Variants in GABRG2 observed in about 807,000 individuals in gnomAD.
GABRG2 encodes gamma-aminobutyric acid receptor subunit gamma-2.
A neutral mutation model predicts 56.4 loss-of-function variants in GABRG2; 16 were observed. That is an observed-to-expected ratio of 0.28 (90% CI 0.19 to 0.43). The LOEUF is 0.43. Among genes scored for constraint, GABRG2 ranks in the 20% least tolerant of loss-of-function variants. The pLI, the probability that GABRG2 is intolerant of heterozygous loss-of-function variation, is 1.00. For synonymous variants in GABRG2, 208 were observed against 205.5 expected (o/e 1.01, Z -0.10); for missense variants, 327 against 582.7 (o/e 0.56, Z 4.52).
intron 1 of GABRG2, among the ~76,000 whole-genome samples, chr5:162,076,633 C>G (rs1759133137): frequency 6.6e-6 from 1 of 152,018 alleles, no homozygotes; most frequent in Non-Finnish European, 1.5e-5. Context: ...AAACATTATC[C>G]CTGAGTTGCT....
chr5:162,127,823 G>A (rs555025214), intron 6 of GABRG2, among the ~76,000 whole-genome samples: 6 of 152,100 alleles, frequency 3.9e-5, no homozygotes, highest in Non-Finnish European at 7.4e-5. Context: ...GGAAACTGAC[G>A]ATCGAAGGAT....
At chr5:162,145,406 T>C (rs1335475688) in intron 7 of GABRG2, among the ~76,000 whole-genome samples, 1 of 152,110 alleles carries the variant, frequency 6.6e-6, no homozygotes, top group African/African-American at 2.4e-5. Context: ...GAGGAACTGG[T>C]AAAAGCTATG....
At chr5:162,076,013 A>G (rs1274258813) in intron 1 of GABRG2, among the ~76,000 whole-genome samples, 1 of 151,822 alleles carries the variant, frequency 6.6e-6, no homozygotes, top group Non-Finnish European at 1.5e-5. Flanking sequence ...TTAACTGGGT[A>G]TGGTAGTGCA....
At position 162,075,372 on chromosome 5, in the gene GABRG2, C is replaced by G. The variant is rs144247809; in HGVS notation, c.107+7266C>G. 4.6e-5 allele frequency among the ~76,000 whole-genome samples: 7 copies of G among 152,222 alleles called. No homozygotes were observed. In the East Asian group the frequency reaches 1.4e-3, roughly 29 times the overall value. On this transcript the variant is annotated intron_variant, in intron 1 of 9. Coordinates refer to ENST00000639213, the MANE Select transcript of GABRG2 (RefSeq NM_198904.4). ...CTCAATAAAGCCTGCACCTACCACT[C>G]AGTGTAATATTGCAAACTCCACTCC...
chr5:162,111,633 A>G (rs1050879322), intron 6 of GABRG2, among the ~76,000 whole-genome samples: 18 of 152,114 alleles, frequency 1.2e-4, no homozygotes, highest in Admixed American at 2.0e-4. Flanking sequence ...AATATACACA[A>G]TGGTATTTTA....
chr5:162,113,864 C>A (rs1762427269), intron 6 of GABRG2, among the ~76,000 whole-genome samples: 1 of 152,030 alleles, frequency 6.6e-6, no homozygotes, highest in Admixed American at 6.6e-5. Context: ...TTCTTGTTAC[C>A]AGTATTAGTG....
At position 162,119,189 on chromosome 5, in the gene GABRG2, C is replaced by T. The variant is rs553960593; in HGVS notation, c.769+15163C>T. Reference sequence around the variant, plus strand: ...TCCTTTCATATTAAAACATTCAGTGCGTTCTCTTGTCTATATGTAGGGATG... The same window carrying T: ...TCCTTTCATATTAAAACATTCAGTGTGTTCTCTTGTCTATATGTAGGGATG... On this transcript the variant is annotated intron_variant, in intron 6 of 9. Coordinates refer to ENST00000639213, the MANE Select transcript of GABRG2 (RefSeq NM_198904.4). Among the ~76,000 whole-genome samples the T allele has an allele frequency of 3.7e-4, 57 of 152,166 alleles. No individual in the cohort carries two copies. In the South Asian group the frequency reaches 0.011, roughly 28 times the overall value.
chr5:162,120,768 A>C (rs563774111), intron 6 of GABRG2, among the ~76,000 whole-genome samples: 70 of 152,264 alleles, frequency 4.6e-4, no homozygotes, highest in African/African-American at 1.6e-3. Flanking sequence ...TGGCTCTGCA[A>C]TTGCAAAGCA....
At chr5:162,131,811 G>A (rs1290543106) in intron 6 of GABRG2, among the ~76,000 whole-genome samples, 1 of 151,892 alleles carries the variant, frequency 6.6e-6, no homozygotes, top group African/African-American at 2.4e-5. Flanking sequence ...CTGTTAACTT[G>A]TTAGAATTAT....
At chr5:162,092,903 C>T (rs1238528711) in intron 1 of GABRG2, among the ~76,000 whole-genome samples, 5 of 152,020 alleles carry the variant, frequency 3.3e-5, no homozygotes, top group Non-Finnish European at 4.4e-5. Flanking sequence ...AGCTTTTGCA[C>T]GGGTGTGTGT....
chr5:162,081,543 C>T lies in GABRG2; in HGVS notation c.108-12285C>T, dbSNP rs552405050. On this transcript the variant is annotated intron_variant, in intron 1 of 9. Coordinates refer to ENST00000639213, the MANE Select transcript of GABRG2 (RefSeq NM_198904.4). ...TACTCCTTAAAACTGATCTGTTACTCATCATTGAAGATTTTTCTTTCAAGA... is the reference window on the plus strand; with the variant it reads ...TACTCCTTAAAACTGATCTGTTACTTATCATTGAAGATTTTTCTTTCAAGA... Among the ~76,000 whole-genome samples, 3 of 152,054 alleles carry T rather than the reference C, an allele frequency of 2.0e-5. No individual in the cohort carries two copies. The South Asian group carries it at 6.2e-4, about 32-fold the overall frequency.
intron 5 of GABRG2, chr5:162,102,389 A>T: frequency 4.9e-6 from 2 of 409,056 alleles, no homozygotes; most frequent in South Asian, 3.7e-5. Context: ...AGAACTGTTG[A>T]TTTCTCTGCC....
At chr5:162,081,727 A>G (rs112248048) in intron 1 of GABRG2, among the ~76,000 whole-genome samples, 2,221 of 152,032 alleles carry the variant, frequency 0.015, 56 homozygotes, top group African/African-American at 0.051. Flanking sequence ...ATCACCACAC[A>G]TCTATTAGAA....
At chr5:162,101,200 A>G in intron 4 of GABRG2, 35 bp from the exon 5 acceptor site, 1 of 1,369,034 alleles carries the variant, frequency 7.3e-7, no homozygotes, top group Non-Finnish European at 1.0e-6. Context: ...AATTATGTCT[A>G]AAATCCATCT....
intron 6 of GABRG2, among the ~76,000 whole-genome samples, chr5:162,118,607 A>G (rs1762783590): frequency 1.3e-5 from 2 of 151,312 alleles, no homozygotes; most frequent in African/African-American, 4.9e-5. Flanking sequence ...CTATATATCT[A>G]TATCTATATC....
chr5:162,149,758 C>A, intron 8 of GABRG2: 1 of 413,856 alleles, frequency 2.4e-6, no homozygotes, highest in Non-Finnish European at 4.7e-6. Context: ...GGACTATAGG[C>A]ACACGCCACC....
At chr5:162,144,982 A>G (rs927950573) in intron 7 of GABRG2, among the ~76,000 whole-genome samples, 2 of 152,170 alleles carry the variant, frequency 1.3e-5, no homozygotes, top group Non-Finnish European at 2.9e-5. Flanking sequence ...CAAAAAATCC[A>G]CAGGTGATTC....
intron 1 of GABRG2, among the ~76,000 whole-genome samples, chr5:162,068,979 G>A (rs1441231865): frequency 6.6e-6 from 1 of 152,096 alleles, no homozygotes; most frequent in Non-Finnish European, 1.5e-5. Context: ...AGGTGAATGT[G>A]ATGCCATAAT....
At chr5:162,115,195 G>A (rs1044173372) in intron 6 of GABRG2, among the ~76,000 whole-genome samples, 7 of 152,126 alleles carry the variant, frequency 4.6e-5, no homozygotes, top group Middle Eastern at 3.4e-3. Flanking sequence ...ATGACCTTAA[G>A]GAAGTCATTT....
Sources: allele counts gnomAD v4.1 joint callset (sites outside exome capture counted in the v4.1 genomes callset), GRCh38; gene constraint gnomAD v4.1.1; transcripts MANE v1.5; gene names NCBI Gene and HGNC (gene_info 2026-07-23, HGNC 2026-07-21).